The following BCKDHB variants were observed in gnomAD, a reference collection of about 807,000 sequenced individuals.
BCKDHB encodes branched chain keto acid dehydrogenase E1 subunit beta.
Under a neutral mutation model 48.5 loss-of-function variants are expected in BCKDHB, and 41 were observed. That is an observed-to-expected ratio of 0.85 (90% CI 0.66 to 1.10). The LOEUF (loss-of-function observed/expected upper bound fraction) is 1.10, where lower values mean the gene tolerates loss of function less well. Among genes scored for constraint, BCKDHB ranks in the 50% least tolerant of loss-of-function variants. BCKDHB has a pLI of 0.00. For missense variants in BCKDHB, 496 were observed against 494.2 expected, an observed-to-expected ratio of 1.00 and a Z score of -0.03; for synonymous variants, 201 against 174.8, an observed-to-expected ratio of 1.15 and a Z score of -1.18.
intron 1 of BCKDHB, among the ~76,000 whole-genome samples, chr6:80,107,533 A>G (rs1769176115): frequency 7.7e-6 from 1 of 130,134 alleles, no homozygotes; most frequent in Non-Finnish European, 1.5e-5. Context: ...ATATATGCAT[A>G]TATATATATG....
chr6:80,315,774 G>A (rs893289304), intron 9 of BCKDHB, among the ~76,000 whole-genome samples: 7 of 152,166 alleles, frequency 4.6e-5, no homozygotes, highest in African/African-American at 1.7e-4. Flanking sequence ...ATGAGCCACC[G>A]CAACTGGCCT....
chr6:80,428,121 T>C, the BCKDHB span, among the ~76,000 whole-genome samples: 3 of 149,256 alleles, frequency 2.0e-5, no homozygotes, highest in Non-Finnish European at 3.0e-5. Flanking sequence ...GAACATGCGG[T>C]GTTTGGTTTT....
At chr6:80,332,091 C>G (rs762363723) in intron 9 of BCKDHB, among the ~76,000 whole-genome samples, 15 of 152,172 alleles carry the variant, frequency 9.9e-5, no homozygotes, top group Non-Finnish European at 1.9e-4. Context: ...TCTCAGACAA[C>G]TGAGACCTGT....
At chr6:80,402,335 G>T in the BCKDHB span, among the ~76,000 whole-genome samples, 4 of 151,692 alleles carry the variant, frequency 2.6e-5, no homozygotes, top group Non-Finnish European at 5.9e-5. Context: ...ATATCTTATT[G>T]TGGTTTTGAT....
chr6:80,179,233 T>A (rs1582296617), intron 6 of BCKDHB, among the ~76,000 whole-genome samples: 1 of 152,196 alleles, frequency 6.6e-6, no homozygotes, highest in East Asian at 1.9e-4. Flanking sequence ...GAAACTCAAT[T>A]TTTGAGTTTC....
chr6:80,332,534 A>C (rs1222057258), intron 9 of BCKDHB, among the ~76,000 whole-genome samples: 2 of 152,098 alleles, frequency 1.3e-5, no homozygotes, highest in African/African-American at 2.4e-5. Flanking sequence ...CTAGGATAAA[A>C]CTTGTAAACT....
intron 3 of BCKDHB, among the ~76,000 whole-genome samples, chr6:80,158,680 C>A (rs1327629213): frequency 6.6e-6 from 1 of 152,250 alleles, no homozygotes; most frequent in African/African-American, 2.4e-5. Flanking sequence ...AATGACCAGG[C>A]CTTTGTACTC....
the BCKDHB span, among the ~76,000 whole-genome samples, chr6:80,378,326 AC>A: frequency 6.6e-6 from 1 of 152,182 alleles, no homozygotes; most frequent in Non-Finnish European, 1.5e-5. Context: ...AAATGAGAAC[AC>A]GTGATATTTG....
chr6:80,248,414 G>A (rs1444532888), intron 8 of BCKDHB, among the ~76,000 whole-genome samples: 1 of 152,078 alleles, frequency 6.6e-6, no homozygotes, highest in African/African-American at 2.4e-5. Flanking sequence ...TATTTTTTGA[G>A]CTTAGGGTTT....
chr6:80,264,404 AT>A (rs554703398), intron 8 of BCKDHB, among the ~76,000 whole-genome samples: 19 of 152,286 alleles, frequency 1.2e-4, no homozygotes, highest in African/African-American at 4.6e-4. Flanking sequence ...AAATTTTCTT[AT>A]TTGGCATTAT....
chr6:80,365,961 G>T, the BCKDHB span, among the ~76,000 whole-genome samples: 1 of 152,286 alleles, frequency 6.6e-6, no homozygotes, highest in African/African-American at 2.4e-5. Context: ...GAAAGCAAAT[G>T]ATCTCAGTAC....
chr6:80,354,083 TCTC>T, the BCKDHB span, among the ~76,000 whole-genome samples: 22 of 152,246 alleles, frequency 1.4e-4, no homozygotes, highest in Admixed American at 3.9e-4. Context: ...TGGATATTAG[TCTC>T]CTCCTGTTGG....
At chr6:80,436,109 T>C in the BCKDHB span, among the ~76,000 whole-genome samples, 11 of 150,768 alleles carry the variant, frequency 7.3e-5, no homozygotes, top group Middle Eastern at 3.4e-3. Flanking sequence ...CAAAACCTAA[T>C]ATTAACTTTG....
intron 9 of BCKDHB, among the ~76,000 whole-genome samples, chr6:80,275,641 TAAA>T (rs1777938386): frequency 1.3e-5 from 2 of 152,104 alleles, no homozygotes; most frequent in African/African-American, 4.8e-5. Context: ...TATCTACTGA[TAAA>T]GAAGATTAGA....
At chr6:80,403,407 T>C in the BCKDHB span, among the ~76,000 whole-genome samples, 3 of 151,948 alleles carry the variant, frequency 2.0e-5, no homozygotes, top group African/African-American at 4.8e-5. Context: ...TATAGAATCA[T>C]AACTGATTTT....
At chr6:80,227,538 T>C (rs904007782) in intron 8 of BCKDHB, among the ~76,000 whole-genome samples, 5 of 152,252 alleles carry the variant, frequency 3.3e-5, no homozygotes, top group Non-Finnish European at 7.3e-5. Flanking sequence ...ATAAATTTAA[T>C]TCCAGTTTTG....
intron 6 of BCKDHB, among the ~76,000 whole-genome samples, chr6:80,172,866 A>G (rs1463394637): frequency 1.3e-5 from 2 of 152,142 alleles, no homozygotes; most frequent in Non-Finnish European, 2.9e-5. Context: ...CTAGATTTAT[A>G]TGGACTCTAT....
rs183845880 is a variant in BCKDHB, at chr6:80,132,024, G to A, written c.343+2795G>A. Among the ~76,000 whole-genome samples the A allele has an allele frequency of 3.7e-3, 557 of 151,942 alleles. 2 individuals carry two copies. Among genetic ancestry groups the A allele is most frequent in the Non-Finnish European group, 4.8e-3 (326 of 67,968 alleles). ...TTTTATTTATTTTATCTATTTTTTA[G>A]TTTTTACTCTACAGACCTAGGAACT... On this transcript the variant is annotated intron_variant, in intron 3 of 9. Transcript: ENST00000320393.
the BCKDHB span, among the ~76,000 whole-genome samples, chr6:80,386,191 A>T: frequency 6.6e-6 from 1 of 151,980 alleles, no homozygotes; most frequent in South Asian, 2.1e-4. Flanking sequence ...AAAGCCCTGT[A>T]ATTGCTTTTC....
Sources: gnomAD v4.1 joint callset for allele counts (sites outside exome capture counted in the v4.1 genomes callset) on GRCh38, gnomAD v4.1.1 for gene constraint, MANE v1.5 for transcripts, NCBI Gene and HGNC (gene_info 2026-07-23, HGNC 2026-07-21) for gene names.